The following OPA3 variants were observed in gnomAD, a reference collection of about 807,000 sequenced individuals.
OPA3 encodes the protein optic atrophy 3 protein.
OPA3 carries 6 observed loss-of-function variants against 4.0 expected under a neutral mutation model. That is an observed-to-expected ratio of 1.51 (90% CI 0.83 to 2.99). The LOEUF is 2.99. Ranked by LOEUF, OPA3 falls within the 30% of genes most tolerant of loss-of-function variation. The pLI is 0.00. For synonymous variants in OPA3, 105 were observed against 117.1 expected, an observed-to-expected ratio of 0.90 and a Z score of 0.67; for missense variants, 235 against 256.2, an observed-to-expected ratio of 0.92 and a Z score of 0.56.
At chr19:45,539,728 TG>T (rs1236278125) in intron 1 of OPA3, among the ~76,000 whole-genome samples, 2 of 150,170 alleles carry the variant, frequency 1.3e-5, no homozygotes, top group Non-Finnish European at 3.0e-5. Flanking sequence ...CACTCCAGCC[TG>T]GGCGACAGAG....
In OPA3 at chr19:45,548,268, T is replaced by G; in HGVS notation, c.*5246A>C. The G allele has an allele frequency of 8.1e-6, 8 of 985,554 alleles. No individual in the cohort carries two copies. Among genetic ancestry groups the G allele is most frequent in the Non-Finnish European group, 9.6e-6 (8 of 829,950 alleles). The allele number at this position is 985,554 out of a possible 1,614,324, so 61.1% of individuals were successfully genotyped here. The stretch of plus-strand genomic sequence containing the variant: ...CCAATAGATCAGGTTGGGGCTTATG[T>G]AAAGCCCATTTTCTCCTGGGGTGGC... On this transcript the variant is annotated 3_prime_UTR_variant, in exon 2 of 2. Transcript: ENST00000263275.
At chr19:45,576,537 C>CA (rs1356880909) in intron 1 of OPA3, among the ~76,000 whole-genome samples, 3 of 31,492 alleles carry the variant, frequency 9.5e-5, no homozygotes, top group Non-Finnish European at 1.2e-4. Context: ...AAACTCCATC[C>CA]CCCCCCCCCC....
chr19:45,562,016 A>T (rs1025609463), intron 1 of OPA3, among the ~76,000 whole-genome samples: 1 of 151,878 alleles, frequency 6.6e-6, no homozygotes, highest in Non-Finnish European at 1.5e-5. Context: ...ATAATAAAAG[A>T]TGAGAAAAAA....
chr19:45,537,151 G>T (rs779852652), intron 1 of OPA3, among the ~76,000 whole-genome samples: 2 of 152,054 alleles, frequency 1.3e-5, no homozygotes, highest in Non-Finnish European at 2.9e-5. Flanking sequence ...TAGAGATGGG[G>T]TTTCGCCATG....
chr19:45,566,747 T>TC (rs1969589415), intron 1 of OPA3, among the ~76,000 whole-genome samples: 1 of 152,146 alleles, frequency 6.6e-6, no homozygotes, highest in Non-Finnish European at 1.5e-5. Flanking sequence ...GTGCTGGGAT[T>TC]ACAGGCGTGA....
chr19:45,538,497 G>A (rs1026105569), intron 1 of OPA3, among the ~76,000 whole-genome samples: 4 of 152,186 alleles, frequency 2.6e-5, no homozygotes, highest in African/African-American at 9.7e-5. Flanking sequence ...GAGGTGGGCA[G>A]ATCACTTGAG....
At chr19:45,536,834 GA>G (rs1969124129) in intron 1 of OPA3, among the ~76,000 whole-genome samples, 1 of 151,844 alleles carries the variant, frequency 6.6e-6, no homozygotes, top group Non-Finnish European at 1.5e-5. Context: ...TATTCACAGA[GA>G]AAAAAATAAA....
At chr19:45,537,725 C>T (rs543518450) in intron 1 of OPA3, among the ~76,000 whole-genome samples, 80 of 152,046 alleles carry the variant, frequency 5.3e-4, no homozygotes, top group East Asian at 5.2e-3. Flanking sequence ...CTCTGCCCTC[C>T]GGTTTCAAGC....
At chr19:45,557,498 T>C (rs1440034940) in intron 1 of OPA3, among the ~76,000 whole-genome samples, 2 of 151,978 alleles carry the variant, frequency 1.3e-5, no homozygotes, top group African/African-American at 4.8e-5. Flanking sequence ...CTCCTAGACC[T>C]CTCACACTCA....
intron 1 of OPA3, among the ~76,000 whole-genome samples, chr19:45,574,051 T>C (rs1320722488): frequency 6.8e-6 from 1 of 146,740 alleles, no homozygotes; most frequent in Non-Finnish European, 1.5e-5. Context: ...TAATCCCAGC[T>C]ACTCAGGAAG....
rs930980831 is a variant in OPA3 at position 45,547,078 on chromosome 19, A to AGGAG, written c.*6432_*6435dup. ...GCACTGGGGTCATTTCCTATGGGGAAGGAGGGAGGGAGGGAGGACTCCACA... is the reference window on the plus strand; with the variant it reads ...GCACTGGGGTCATTTCCTATGGGGAAGGAGGGAGGGAGGGAGGGAGGACTCCACA... On this transcript the variant is annotated 3_prime_UTR_variant, in exon 2 of 2. Transcript: ENST00000263275. The AGGAG allele has an allele frequency of 2.0e-5, 3 of 151,850 alleles. No homozygotes were observed. Among genetic ancestry groups the AGGAG allele is most frequent in the African/African-American group, 7.3e-5 (3 of 41,162 alleles). 9.4% of individuals were successfully genotyped at this position (151,850 alleles called of 1,614,324 possible). A position where few individuals can be genotyped will look rare whatever the true frequency, so the allele number is the denominator to read the frequency against.
downstream of OPA3, among the ~76,000 whole-genome samples, chr19:45,546,000 G>A (rs957058770): frequency 1.3e-5 from 2 of 151,888 alleles, no homozygotes; most frequent in African/African-American, 2.4e-5. Context: ...AGGTGTGACA[G>A]GCCATGCTTT....
Position 45,583,868 on chromosome 19 carries a change from T to C in OPA3, c.142+755A>G, listed in dbSNP as rs114029922. On this transcript the variant is annotated intron_variant, in intron 1 of 1. Coordinates refer to ENST00000263275, the MANE Select transcript of OPA3 (RefSeq NM_025136.4). ...GGCAGCCCTGCTGGCCTCAGGTCCC[T>C]GGGTCAGCCAGTTCCTCTGAGCTCC... 8.3e-3 allele frequency among the ~76,000 whole-genome samples: 1,265 copies of C among 152,316 alleles called. 17 individuals are homozygous for C. Among genetic ancestry groups the C allele is most frequent in the African/African-American group, 0.03 (1,231 of 41,568 alleles).
chr19:45,548,422 G>A lies in OPA3; in HGVS notation c.*5092C>T, dbSNP rs1205558502. 2.0e-6 allele frequency: 2 copies of A among 985,414 alleles called. No individual in the cohort carries two copies. The highest frequency in any genetic ancestry group is 2.3e-4 in the East Asian group (2 of 8,812). The allele number at this position is 985,414 out of a possible 1,614,324, so 61.0% of individuals were successfully genotyped here. ...GGCACCTCCCAGGGTTTTGTGAGCT[G>A]GGATGAATGGGTTTATAGTCCTGAG... On this transcript the variant is annotated 3_prime_UTR_variant, in exon 2 of 2. Transcript: ENST00000263275.
intron 1 of OPA3, among the ~76,000 whole-genome samples, chr19:45,582,836 T>C (rs1048770932): frequency 3.3e-5 from 5 of 152,164 alleles, no homozygotes; most frequent in Admixed American, 3.3e-4. Flanking sequence ...AACCATAATT[T>C]CTAATCTTGT....
chr19:45,528,967 C>G, exon 2 of OPA3: 1 of 1,467,370 alleles, frequency 6.8e-7, no homozygotes, highest in Non-Finnish European at 9.1e-7. Context: ...CTGGGCCGGT[C>G]CAGGATGGGA....
intron 1 of OPA3, among the ~76,000 whole-genome samples, chr19:45,530,527 T>C (rs1969048403): frequency 6.6e-6 from 1 of 152,060 alleles, no homozygotes; most frequent in Non-Finnish European, 1.5e-5. Context: ...TTTTTTTTAT[T>C]GAGACGGGGT....
chr19:45,576,818 T>A (rs1179512098), intron 1 of OPA3, among the ~76,000 whole-genome samples: 1 of 152,108 alleles, frequency 6.6e-6, no homozygotes, highest in Non-Finnish European at 1.5e-5. Flanking sequence ...CAGGATCATC[T>A]CCCCATCCCC....
chr19:45,549,166 C>T lies in OPA3; in HGVS notation c.*4348G>A. The T allele has an allele frequency of 1.0e-6, 1 of 985,324 alleles. No individual in the cohort carries two copies. Among genetic ancestry groups the T allele is most frequent in the Non-Finnish European group, 1.2e-6 (1 of 829,926 alleles). The allele number at this position is 985,324 out of a possible 1,614,324, so 61.0% of individuals were successfully genotyped here. A position where few individuals can be genotyped will look rare whatever the true frequency, so the allele number is the denominator to read the frequency against. On this transcript the variant is annotated 3_prime_UTR_variant, in exon 2 of 2. Transcript: ENST00000263275. ...ACTTGAAGATAATCAGCTTCATTTA[C>T]AAATTTATTCTAACCCCTCTCCCCA...
Sources: allele counts gnomAD v4.1 joint callset (sites outside exome capture counted in the v4.1 genomes callset), GRCh38; gene constraint gnomAD v4.1.1; transcripts MANE v1.5; gene names NCBI Gene and HGNC (gene_info 2026-07-23, HGNC 2026-07-21).